The following BANK1 variants were observed in gnomAD, a reference collection of about 807,000 sequenced individuals.
BANK1 encodes B cell scaffold protein with ankyrin repeats 1.
A neutral mutation model predicts 94.5 loss-of-function variants in BANK1; 95 were observed. The ratio of observed to expected loss-of-function variants is 1.00; its 90% CI spans 0.85 to 1.19. The LOEUF (loss-of-function observed/expected upper bound fraction) is 1.19. BANK1 is among the 50% of genes most tolerant of loss of function. The pLI is 0.00. For synonymous variants in BANK1, 334 were observed against 308.4 expected (o/e 1.08, Z -0.87); for missense variants, 987 against 932.2 (o/e 1.06, Z -0.77).
chr4:101,968,783 G>T (rs1019830462), intron 7 of BANK1, among the ~76,000 whole-genome samples: 2 of 152,108 alleles, frequency 1.3e-5, no homozygotes, highest in African/African-American at 2.4e-5. Context: ...TCTTATGCAG[G>T]AGGTGGAGAG....
chr4:101,907,851 A>T (rs1317124000), intron 6 of BANK1, among the ~76,000 whole-genome samples: 2 of 152,222 alleles, frequency 1.3e-5, no homozygotes, highest in Admixed American at 1.3e-4. Context: ...CTTACAAGGG[A>T]TGTGAAGGAC....
At chr4:102,054,077 T>C (rs568907205) in intron 11 of BANK1, among the ~76,000 whole-genome samples, 17 of 152,190 alleles carry the variant, frequency 1.1e-4, no homozygotes, top group African/African-American at 4.1e-4. Context: ...GTAACAGTCA[T>C]TGAGGACAAA....
At chr4:101,882,657 A>C (rs1429317847) in intron 5 of BANK1, among the ~76,000 whole-genome samples, 1 of 152,188 alleles carries the variant, frequency 6.6e-6, no homozygotes, top group Non-Finnish European at 1.5e-5. Flanking sequence ...ACTTCATGGA[A>C]GCTCTGTTTC....
chr4:101,806,418 G>T (rs11940244), intron 1 of BANK1, among the ~76,000 whole-genome samples: 41,625 of 151,836 alleles, frequency 0.27, 5,908 homozygotes, highest in Non-Finnish European at 0.32. Flanking sequence ...CATATAAGAC[G>T]ACTATTAATT....
chr4:102,024,927 A>C (rs1317738697), intron 8 of BANK1, among the ~76,000 whole-genome samples: 2 of 152,238 alleles, frequency 1.3e-5, no homozygotes, highest in Non-Finnish European at 2.9e-5. Flanking sequence ...TTCAAACAAT[A>C]ACTCTAAAGA....
At chr4:101,832,901 T>TTCCTTCCCTCCCTCTC (rs1288049808) in intron 2 of BANK1, among the ~76,000 whole-genome samples, 1 of 149,704 alleles carries the variant, frequency 6.7e-6, no homozygotes, top group Non-Finnish European at 1.5e-5. Flanking sequence ...CCTTCCTCCC[T>TTCCTTCCCTCCCTCTC]TCCTTCCCTC....
At position 101,887,754 on chromosome 4, in the gene BANK1, TTA is replaced by T. The variant is rs141774771; in HGVS notation, c.904-7547_904-7546del. Among the ~76,000 whole-genome samples, 1,011 of 152,312 alleles carry T rather than the reference TTA, an allele frequency of 6.6e-3. 11 individuals are homozygous for T. Among genetic ancestry groups the T allele is most frequent in the African/African-American group, 0.023 (959 of 41,574 alleles). On this transcript the variant is annotated intron_variant, in intron 5 of 16. Transcript: ENST00000322953. ...TACATATAAAATCATTTTCATTGTT[TTA>T]TATGTTTGTTTTTATATTTATAGTC... is the stretch of plus-strand genomic sequence containing the variant.
chr4:101,908,315 C>A (rs537043315), intron 6 of BANK1, among the ~76,000 whole-genome samples: 36 of 152,274 alleles, frequency 2.4e-4, no homozygotes, highest in Admixed American at 2.2e-3. Context: ...AAAGGATTCC[C>A]TATTTAATAA....
intron 7 of BANK1, among the ~76,000 whole-genome samples, chr4:101,933,709 A>G (rs777894678): frequency 3.3e-5 from 5 of 151,562 alleles, no homozygotes; most frequent in Non-Finnish European, 7.4e-5. Context: ...TCAACTGTGT[A>G]GCAGTGGAAG....
intron 1 of BANK1, among the ~76,000 whole-genome samples, chr4:101,800,841 T>C (rs1432124484): frequency 6.6e-6 from 1 of 152,194 alleles, no homozygotes; most frequent in Non-Finnish European, 1.5e-5. Flanking sequence ...CACTGCAAAC[T>C]CCACCTCCTG....
At chr4:101,946,620 A>G (rs1256491334) in intron 7 of BANK1, among the ~76,000 whole-genome samples, 1 of 151,998 alleles carries the variant, frequency 6.6e-6, no homozygotes, top group Non-Finnish European at 1.5e-5. Flanking sequence ...ATTAAAGACT[A>G]TCTCACTCTT....
chr4:101,906,876 G>A (rs1224961690), intron 6 of BANK1, among the ~76,000 whole-genome samples: 1 of 152,142 alleles, frequency 6.6e-6, no homozygotes, highest in Non-Finnish European at 1.5e-5. Context: ...CCTCAGTTGG[G>A]GAGACCCTAA....
intron 11 of BANK1, among the ~76,000 whole-genome samples, chr4:102,059,774 G>A (rs1728350521): frequency 6.6e-6 from 1 of 152,122 alleles, no homozygotes; most frequent in Admixed American, 6.5e-5. Context: ...GTTGGTTAAC[G>A]TCTCCTTTCC....
At chr4:101,860,288 G>A (rs1727818731) in intron 3 of BANK1, among the ~76,000 whole-genome samples, 1 of 152,122 alleles carries the variant, frequency 6.6e-6, no homozygotes, top group Admixed American at 6.5e-5. Flanking sequence ...CTGTGTGACG[G>A]TAAGGTCATG....
At chr4:102,016,640 A>G (rs1195915846) in intron 7 of BANK1, among the ~76,000 whole-genome samples, 1 of 152,158 alleles carries the variant, frequency 6.6e-6, no homozygotes, top group Non-Finnish European at 1.5e-5. Context: ...GGAAGACCTG[A>G]TTAACTATTT....
chr4:102,071,158 AG>A, intron 13 of BANK1, 116 bp from the exon 14 acceptor site: 1 of 1,172,932 alleles, frequency 8.5e-7, no homozygotes, highest in Non-Finnish European at 1.3e-6. Flanking sequence ...TCAGAATGTG[AG>A]ATTTCATAGC....
intron 1 of BANK1, among the ~76,000 whole-genome samples, chr4:101,803,557 A>G (rs1725427257): frequency 6.6e-6 from 1 of 152,182 alleles, no homozygotes; most frequent in Non-Finnish European, 1.5e-5. Context: ...GCACACAGAG[A>G]ATTGTAAATA....
rs1367394177 is a variant in BANK1 at position 102,072,385 on chromosome 4, A to G, written c.2283A>G (p.Val761=). 2 of 1,595,628 alleles carry G rather than the reference A, an allele frequency of 1.3e-6. No individual in the cohort carries two copies. The highest frequency in any genetic ancestry group is 1.1e-5 in the South Asian group (1 of 89,934). Residue 761 remains valine, a synonymous_variant, in exon 15 of 17, where the codon GTA becomes GTG. Transcript: ENST00000322953. ...TAHNENKFYN[V]HFSNKLPARP... is the part of the protein sequence containing the mutation. ...ACAATGAAAATAAGTTTTATAATGT[A>G]CACTTCAGCAATAAGGTAGGTTGTA... is the stretch of plus-strand genomic sequence containing the variant.
chr4:101,988,572 A>G (rs1725592354), intron 7 of BANK1, among the ~76,000 whole-genome samples: 1 of 152,172 alleles, frequency 6.6e-6, no homozygotes, highest in South Asian at 2.1e-4. Flanking sequence ...CAACTACAAC[A>G]TTTCCTTCCC....
Sources: gnomAD v4.1 joint callset for allele counts (sites outside exome capture counted in the v4.1 genomes callset) on GRCh38, gnomAD v4.1.1 for gene constraint, MANE v1.5 for transcripts, NCBI Gene and HGNC (gene_info 2026-07-23, HGNC 2026-07-21) for gene names.